FOXP2: variants seen among roughly 807,000 people sequenced by gnomAD.
FOXP2 encodes forkhead box P2.
Under a neutral mutation model 115.8 loss-of-function variants are expected in FOXP2, and 12 were observed. The ratio of observed to expected loss-of-function variants is 0.10; its 90% CI spans 0.07 to 0.17. FOXP2 has a LOEUF of 0.17. FOXP2 is among the 10% of genes least tolerant of loss of function. The pLI is 1.00. For synonymous variants in FOXP2, 328 were observed against 297.7 expected (o/e 1.10, Z -1.05); for missense variants, 629 against 843.5 (o/e 0.75, Z 3.15).
At chr7:114,456,992 A>C (rs991658039) in intron 2 of FOXP2, among the ~76,000 whole-genome samples, 1 of 152,138 alleles carries the variant, frequency 6.6e-6, no homozygotes, top group Non-Finnish European at 1.5e-5. Flanking sequence ...GAGAGAGAGA[A>C]TAAAATGGTG....
At chr7:114,348,660 A>G (rs2129185329) in intron 2 of FOXP2, among the ~76,000 whole-genome samples, 1 of 152,202 alleles carries the variant, frequency 6.6e-6, no homozygotes, top group Admixed American at 6.6e-5. Context: ...GTTCTGGCCC[A>G]GCTTTCTTAT....
intron 2 of FOXP2, among the ~76,000 whole-genome samples, chr7:114,437,763 T>C (rs1794420255): frequency 6.6e-6 from 1 of 152,196 alleles, no homozygotes; most frequent in Non-Finnish European, 1.5e-5. Flanking sequence ...TTCATGTCCT[T>C]GTAGACCGAC....
chr7:114,286,275 CAT>C (rs1562854369), intron 1 of FOXP2, among the ~76,000 whole-genome samples: 1 of 151,846 alleles, frequency 6.6e-6, no homozygotes, highest in African/African-American at 2.4e-5. Flanking sequence ...CTTTTTAGTA[CAT>C]GTTAATATTT....
intron 1 of FOXP2, among the ~76,000 whole-genome samples, chr7:114,095,546 A>C (rs747510125): frequency 6.6e-6 from 1 of 152,094 alleles, no homozygotes; most frequent in Non-Finnish European, 1.5e-5. Flanking sequence ...TTATTTAGAC[A>C]TAATGGTAAG....
chr7:114,608,763 A>T (rs543719082), intron 3 of FOXP2, among the ~76,000 whole-genome samples: 2 of 152,224 alleles, frequency 1.3e-5, no homozygotes, highest in Non-Finnish European at 2.9e-5. Flanking sequence ...GAGCATCTGT[A>T]TGAAACATAA....
chr7:114,613,315 T>C (rs1368519816), intron 3 of FOXP2, among the ~76,000 whole-genome samples: 1 of 152,192 alleles, frequency 6.6e-6, no homozygotes, highest in Non-Finnish European at 1.5e-5. Context: ...CTTCTAGAGA[T>C]ATTTTGTGCA....
chr7:114,389,866 A>T (rs924037375), intron 2 of FOXP2, among the ~76,000 whole-genome samples: 1 of 152,000 alleles, frequency 6.6e-6, no homozygotes, highest in African/African-American at 2.4e-5. Flanking sequence ...TCTACTAAAA[A>T]TACAAAAATT....
In FOXP2 at chr7:114,206,066, T is replaced by C. The variant is rs943241916; in HGVS notation, c.-102+42978T>C. Among the ~76,000 whole-genome samples the C allele has an allele frequency of 3.3e-5, 5 of 152,230 alleles. No homozygotes were observed. The East Asian group carries it at 9.7e-4, about 29-fold the overall frequency. On this transcript the variant is annotated intron_variant, in intron 1 of 17. Coordinates refer to the FOXP2 transcript ENST00000634411. ...AACCTAAAGTACCATAAAAAGGCTA[T>C]CCCAGTCCTGGTCCAAACCACCCGT...
At chr7:114,300,775 T>C (rs1796860954) in intron 2 of FOXP2, among the ~76,000 whole-genome samples, 3 of 152,028 alleles carry the variant, frequency 2.0e-5, no homozygotes, top group Non-Finnish European at 2.9e-5. Flanking sequence ...CATTGGTATC[T>C]GTACACTTTT....
At chr7:114,571,130 A>C (rs1801280232) in intron 3 of FOXP2, among the ~76,000 whole-genome samples, 1 of 151,936 alleles carries the variant, frequency 6.6e-6, no homozygotes, top group Admixed American at 6.6e-5. Context: ...TTAAATATAT[A>C]AAGGCTTTAA....
intron 2 of FOXP2, among the ~76,000 whole-genome samples, chr7:114,358,214 G>A (rs1464786312): frequency 6.6e-6 from 1 of 152,158 alleles, no homozygotes; most frequent in Non-Finnish European, 1.5e-5. Flanking sequence ...CTGCTGCCAT[G>A]TAAGACAGTG....
At chr7:114,226,359 T>C (rs1490494284) in intron 1 of FOXP2, among the ~76,000 whole-genome samples, 1 of 152,192 alleles carries the variant, frequency 6.6e-6, no homozygotes, top group East Asian at 1.9e-4. Flanking sequence ...ACTTGATGTG[T>C]TTCCTCCCTC....
In FOXP2 at chr7:114,434,112, T is replaced by C. The variant is rs115887906; in HGVS notation, c.168+7433T>C. 7.2e-3 allele frequency among the ~76,000 whole-genome samples: 1,095 copies of C among 152,108 alleles called. 15 individuals are homozygous for C. Among genetic ancestry groups the C allele is most frequent in the African/African-American group, 0.025 (1,036 of 41,572 alleles). ...CCATTATCATATTCAGGCAGTTGTA[T>C]TCTTTCTCTAGTTTCTCTTTATTCA... On this transcript the variant is annotated intron_variant, in intron 2 of 16. Coordinates refer to ENST00000350908, the MANE Select transcript of FOXP2 (RefSeq NM_014491.4).
chr7:114,626,470 A>C (rs1386363226), intron 3 of FOXP2, among the ~76,000 whole-genome samples: 2 of 151,738 alleles, frequency 1.3e-5, no homozygotes, highest in African/African-American at 4.8e-5. Flanking sequence ...AAAAATAAGG[A>C]GCGGTTATGT....
chr7:114,595,686 C>T (rs1352160665), intron 3 of FOXP2, among the ~76,000 whole-genome samples: 1 of 151,912 alleles, frequency 6.6e-6, no homozygotes, highest in Non-Finnish European at 1.5e-5. Flanking sequence ...GGAAAAGAAT[C>T]CACAGTGCTA....
chr7:114,637,530 CTCTT>C (rs1162020407), intron 6 of FOXP2, among the ~76,000 whole-genome samples: 2 of 152,112 alleles, frequency 1.3e-5, no homozygotes, highest in Non-Finnish European at 2.9e-5. Flanking sequence ...AATTTTAAAA[CTCTT>C]TCAAGTAACA....
intron 2 of FOXP2, among the ~76,000 whole-genome samples, chr7:114,514,264 G>A (rs1323345608): frequency 6.6e-6 from 1 of 151,896 alleles, no homozygotes; most frequent in Non-Finnish European, 1.5e-5. Context: ...TTGTTATGAT[G>A]AGAATATGTT....
At chr7:114,305,560 G>A (rs1322709377) in intron 2 of FOXP2, among the ~76,000 whole-genome samples, 2 of 152,074 alleles carry the variant, frequency 1.3e-5, no homozygotes, top group African/African-American at 4.8e-5. Context: ...TACAACGCCT[G>A]TAAAATTATT....
intron 2 of FOXP2, among the ~76,000 whole-genome samples, chr7:114,492,512 A>G (rs937651085): frequency 2.6e-5 from 4 of 151,714 alleles, no homozygotes; most frequent in African/African-American, 7.3e-5. Flanking sequence ...TTAGGGTGTC[A>G]ATTTTATATC....
Sources: allele counts gnomAD v4.1 joint callset (sites outside exome capture counted in the v4.1 genomes callset), GRCh38; gene constraint gnomAD v4.1.1; transcripts MANE v1.5; gene names NCBI Gene and HGNC (gene_info 2026-07-23, HGNC 2026-07-21).